The following PRDM4 variants were observed in gnomAD, a reference collection of about 807,000 sequenced individuals.
The protein encoded by PRDM4 is PR/SET domain 4.
A neutral mutation model predicts 62.3 loss-of-function variants in PRDM4; 38 were observed. That is an observed-to-expected ratio of 0.61 (90% CI 0.47 to 0.80). The LOEUF is 0.80. Ranked by LOEUF, PRDM4 falls within the 30% of genes least tolerant of loss-of-function variation. The pLI is 0.00. For synonymous variants in PRDM4, 339 were observed against 348.2 expected, an observed-to-expected ratio of 0.97 and a Z score of 0.30; for missense variants, 858 against 997.1, an observed-to-expected ratio of 0.86 and a Z score of 1.88.
intron 4 of PRDM4, among the ~76,000 whole-genome samples, chr12:107,752,600 A>G (rs1890930179): frequency 6.6e-6 from 1 of 152,092 alleles, no homozygotes; most frequent in African/African-American, 2.4e-5. Flanking sequence ...AATTTAATAT[A>G]ATTAAACTAT....
chr12:107,753,911 CTG>C lies in PRDM4; in HGVS notation c.331+11_331+12del, dbSNP rs1890980584. The C allele has an allele frequency of 6.2e-7, 1 of 1,606,312 alleles. No individual in the cohort carries two copies. The highest frequency in any genetic ancestry group is 1.7e-5 in the Admixed American group (1 of 58,522). ...TCTTTTTCTCTAACATCTCAAGTAA[CTG>C]TAACACTTACCAGGTAGAATGGTTC... On this transcript the variant is annotated intron_variant, in intron 4 of 11. Coordinates refer to ENST00000228437, the MANE Select transcript of PRDM4 (RefSeq NM_012406.4).
chr12:107,746,243 G>C, intron 6 of PRDM4, 32 bp downstream of exon 6: 1 of 1,609,092 alleles, frequency 6.2e-7, no homozygotes, highest in Non-Finnish European at 8.5e-7. Context: ...AAGAAGAGAT[G>C]TAATAGTGTT....
intron 3 of PRDM4, chr12:107,754,875 A>G (rs1320392526): frequency 6.6e-6 from 1 of 152,214 alleles, no homozygotes; most frequent in East Asian, 1.9e-4. Context: ...AAAACAACGT[A>G]GTTTAGTTAG....
chr12:107,752,997 C>T (rs1890944910), intron 4 of PRDM4, among the ~76,000 whole-genome samples: 3 of 152,084 alleles, frequency 2.0e-5, no homozygotes. Context: ...ATGAAAACCA[C>T]GTAGCAGCAA....
At chr12:107,745,354 G>A (rs916310695) in intron 6 of PRDM4, among the ~76,000 whole-genome samples, 8 of 152,290 alleles carry the variant, frequency 5.3e-5, no homozygotes, top group African/African-American at 1.9e-4. Flanking sequence ...TTGAGGCCAG[G>A]AGTTCGAAAC....
Position 107,743,210 on chromosome 12 carries a change from C to A in PRDM4, c.1468G>T (p.Val490Leu). Residue 490 changes from valine to leucine, a missense_variant, in exon 8 of 12, where the codon GTG (valine) becomes TTG (leucine). Val to Leu is a conservative substitution (Grantham distance 32). Around this residue, in one of 3 missense-constraint regions of PRDM4, gnomAD observed 355 missense variants for 432.6 expected, o/e 0.82. Coordinates refer to ENST00000228437, the MANE Select transcript of PRDM4 (RefSeq NM_012406.4). Reference sequence around the variant, plus strand: ...GACTACTCATACCTGGCTTTGCGCACAAACATCATCCAATTACATTCATTT... The same window carrying A: ...GACTACTCATACCTGGCTTTGCGCAAAAACATCATCCAATTACATTCATTT... Reference protein sequence around the residue: ...DENECNWMMFVRKARNREEQN... With the variant: ...DENECNWMMFLRKARNREEQN... 1 of 1,611,810 alleles carries A rather than the reference C, an allele frequency of 6.2e-7. No homozygotes were observed. The highest frequency in any genetic ancestry group is 8.5e-7 in the Non-Finnish European group (1 of 1,177,902).
intron 9 of PRDM4, 53 bp downstream of exon 9, chr12:107,742,168 G>C: frequency 2.6e-6 from 4 of 1,549,626 alleles, no homozygotes; most frequent in Non-Finnish European, 3.5e-6. Context: ...CTTTAATCCT[G>C]GTCTTTGGTA....
At chr12:107,734,921 G>A (rs1026617243) in intron 11 of PRDM4, among the ~76,000 whole-genome samples, 1 of 152,142 alleles carries the variant, frequency 6.6e-6, no homozygotes. Flanking sequence ...GCTAATGAAT[G>A]TTTTGGTGGT....
intron 2 of PRDM4, among the ~76,000 whole-genome samples, chr12:107,757,940 T>C: frequency 6.6e-6 from 1 of 152,154 alleles, no homozygotes; most frequent in East Asian, 1.9e-4. Context: ...CTATAAACAT[T>C]ACAGAACCAC....
chr12:107,735,461 C>T (rs1890297435), intron 11 of PRDM4, among the ~76,000 whole-genome samples: 1 of 152,054 alleles, frequency 6.6e-6, no homozygotes, highest in Admixed American at 6.6e-5. Flanking sequence ...ATGGAATTAC[C>T]ATTTTTCTGT....
Position 107,734,381 on chromosome 12 carries a change from G to A in PRDM4, c.2235C>T (p.Leu745=). The change falls in exon 12 of 12, where the codon CTC becomes CTT. Residue 745 remains leucine, a synonymous_variant. Transcript: ENST00000228437. ...CTKAYLTKYH[L]TRHLKTCKGP... is the part of the protein sequence containing the mutation. ...CTTTGCAGGTTTTCAGGTGGCGGGT[G>A]AGATGGTATTTGGTTAGATAAGCCT... is the stretch of plus-strand genomic sequence containing the variant. 6.2e-7 allele frequency: 1 copy of A among 1,614,192 alleles called. No homozygotes were observed. Among genetic ancestry groups the A allele is most frequent in the Non-Finnish European group, 8.5e-7 (1 of 1,180,028 alleles).
chr12:107,740,267 G>A (rs984745353), intron 10 of PRDM4, among the ~76,000 whole-genome samples: 3 of 152,098 alleles, frequency 2.0e-5, no homozygotes, highest in Admixed American at 6.5e-5. Context: ...TAAGCAGACT[G>A]TTTGAGCCCA....
Position 107,734,277 on chromosome 12 carries a change from C to T in PRDM4, c.2339G>A (p.Gly780Glu), listed in dbSNP as rs759530984. 5.6e-6 allele frequency: 9 copies of T among 1,614,112 alleles called. No homozygotes were observed. Among genetic ancestry groups the T allele is most frequent in the Non-Finnish European group, 7.6e-6 (9 of 1,180,010 alleles). ...ACTGTTAATCCTACAGTCTTCTGTC[C>T]CCACAGAGTCTGCTAGATCTTCCTC... Reference protein sequence around the residue: ...SEEEDLADSVGTEDCRINSAV... With the variant: ...SEEEDLADSVETEDCRINSAV... Residue 780 changes from glycine to glutamate, a missense_variant, in exon 12 of 12, where the codon GGG becomes GAG. This residue lies in a region of PRDM4 where 355 missense variants were observed against 432.6 expected (regional missense o/e 0.82). Coordinates refer to ENST00000228437, the MANE Select transcript of PRDM4 (RefSeq NM_012406.4).
In PRDM4 at chr12:107,733,373, G is replaced by A. The variant is rs1890229358; in HGVS notation, c.*837C>T. On this transcript the variant is annotated 3_prime_UTR_variant, in exon 12 of 12. Coordinates refer to ENST00000228437, the MANE Select transcript of PRDM4 (RefSeq NM_012406.4). The stretch of plus-strand genomic sequence containing the variant: ...GTGAGTCCACATGTACTCATCAGGA[G>A]ACAATCCAGCAGGCATTATTTGGGC... 7.2e-6 allele frequency: 1 copy of A among 139,098 alleles called. No individual in the cohort carries two copies. Among genetic ancestry groups the A allele is most frequent in the African/African-American group, 2.4e-5 (1 of 41,148 alleles). 8.6% of individuals were successfully genotyped at this position (139,098 alleles called of 1,614,324 possible).
Position 107,749,084 on chromosome 12 carries a change from T to C in PRDM4, c.1126+2331A>G, listed in dbSNP as rs1216942754. Among the ~76,000 whole-genome samples the C allele has an allele frequency of 2.0e-5, 3 of 152,220 alleles. No homozygotes were observed. The East Asian group carries it at 5.8e-4, about 29-fold the overall frequency. Reference sequence around the variant, plus strand: ...TTTTGATGCTCCCGTTGAGTCTATTTGGAAGCTCCTCTTCTGCTATATCTT... The same window carrying C: ...TTTTGATGCTCCCGTTGAGTCTATTCGGAAGCTCCTCTTCTGCTATATCTT... On this transcript the variant is annotated intron_variant, in intron 5 of 11. Transcript: ENST00000228437.
In PRDM4 at chr12:107,751,954, T is replaced by C. The variant is rs1393830405; in HGVS notation, c.587A>G (p.Asn196Ser). 2 of 1,614,224 alleles carry C rather than the reference T, an allele frequency of 1.2e-6. No individual in the cohort carries two copies. The highest frequency in any genetic ancestry group is 1.7e-5 in the Admixed American group (1 of 60,030). ...AATTGGGCTGGTAACCCTAGAAACG[T>C]TCTCCATAGTGATTGCTGTGTCCAA... Reference protein sequence around the residue: ...VALDTAITMENVSRVTSPIST... With the variant: ...VALDTAITMESVSRVTSPIST... The change falls in exon 5 of 12, where the codon AAC becomes AGC. Residue 196 changes from asparagine to serine, a missense_variant. Coordinates refer to ENST00000228437, the MANE Select transcript of PRDM4 (RefSeq NM_012406.4).
intron 5 of PRDM4, among the ~76,000 whole-genome samples, chr12:107,747,716 T>G (rs1217393569): frequency 6.6e-6 from 1 of 152,122 alleles, no homozygotes. Flanking sequence ...ATACTATTAC[T>G]CAATCATTAC....
chr12:107,743,239 T>C lies in PRDM4; in HGVS notation c.1439A>G (p.Asp480Gly), dbSNP rs1398476917. The C allele has an allele frequency of 2.5e-6, 4 of 1,613,678 alleles. No individual in the cohort carries two copies. Among genetic ancestry groups the C allele is most frequent in the Non-Finnish European group, 2.5e-6 (3 of 1,179,578 alleles). Reference sequence around the variant, plus strand: ...CATCATCCAATTACATTCATTTTCATCAGTTGTAATGATGCAGAATTCTAG... The same window carrying C: ...CATCATCCAATTACATTCATTTTCACCAGTTGTAATGATGCAGAATTCTAG... Reference protein sequence around the residue: ...GVLEFCIITTDENECNWMMFV... With the variant: ...GVLEFCIITTGENECNWMMFV... The change falls in exon 8 of 12, where the codon GAT becomes GGT. Residue 480 changes from aspartate (D) to glycine (G), a missense_variant. Transcript: ENST00000228437.
chr12:107,734,970 G>A (rs571325508), intron 11 of PRDM4, among the ~76,000 whole-genome samples: 8 of 152,058 alleles, frequency 5.3e-5, no homozygotes, highest in African/African-American at 9.7e-5. Context: ...GTGCTAGAAC[G>A]TTTTTAAATT....
Sources: allele counts gnomAD v4.1 joint callset (sites outside exome capture counted in the v4.1 genomes callset), GRCh38; gene constraint gnomAD v4.1.1; regional missense constraint gnomAD v4.1.1; transcripts MANE v1.5; gene names NCBI Gene and HGNC (gene_info 2026-07-23, HGNC 2026-07-21).